Variants in KCNH5 observed in about 807,000 individuals in gnomAD.
KCNH5 encodes potassium voltage-gated channel subfamily H member 5, also known as voltage-gated delayed rectifier potassium channel KCNH5.
A neutral mutation model predicts 96.1 loss-of-function variants in KCNH5; 46 were observed. That is an observed-to-expected ratio of 0.48 (90% CI 0.38 to 0.61). The LOEUF is 0.61. KCNH5 is among the 20% of genes least tolerant of loss of function. The pLI is 0.00. For synonymous variants in KCNH5, 439 were observed against 449.8 expected (o/e 0.98, Z 0.30); for missense variants, 907 against 1,225.8 (o/e 0.74, Z 3.88).
At chr14:63,043,962 C>T (rs925611613) in intron 1 of KCNH5, among the ~76,000 whole-genome samples, 2 of 151,886 alleles carry the variant, frequency 1.3e-5, no homozygotes, top group East Asian at 3.9e-4. Context: ...TTTTTTAATC[C>T]CAAGAAACCA....
chr14:62,916,290 T>G (rs1330357399), intron 7 of KCNH5, among the ~76,000 whole-genome samples: 2 of 152,172 alleles, frequency 1.3e-5, no homozygotes, highest in East Asian at 3.9e-4. Flanking sequence ...ATGTTCACGT[T>G]CTTAACCACA....
At chr14:63,005,528 A>G (rs1246028037) in intron 3 of KCNH5, among the ~76,000 whole-genome samples, 1 of 152,226 alleles carries the variant, frequency 6.6e-6, no homozygotes, top group African/African-American at 2.4e-5. Context: ...ATAATAGTAG[A>G]CTTTGCTATC....
intron 4 of KCNH5, among the ~76,000 whole-genome samples, chr14:62,997,310 G>A (rs1249856999): frequency 6.7e-6 from 1 of 149,634 alleles, no homozygotes; most frequent in Admixed American, 6.6e-5. Context: ...GATGGTTAAT[G>A]GGTATAAGAA....
chr14:62,865,988 C>T (rs952073667), intron 7 of KCNH5, among the ~76,000 whole-genome samples: 3 of 152,136 alleles, frequency 2.0e-5, no homozygotes, highest in South Asian at 4.1e-4. Flanking sequence ...CAATCATCAT[C>T]GTCATCTAAC....
intron 6 of KCNH5, among the ~76,000 whole-genome samples, chr14:62,980,057 TA>T (rs1305592977): frequency 6.6e-6 from 1 of 152,162 alleles, no homozygotes; most frequent in Non-Finnish European, 1.5e-5. Flanking sequence ...CTGGGGGTTT[TA>T]AAAGTGGCAG....
At chr14:62,860,995 AG>A (rs764358699) in intron 7 of KCNH5, among the ~76,000 whole-genome samples, 3 of 152,238 alleles carry the variant, frequency 2.0e-5, no homozygotes, top group East Asian at 3.9e-4. Flanking sequence ...GATGATGCAC[AG>A]TCACTCAGAG....
intron 10 of KCNH5, among the ~76,000 whole-genome samples, chr14:62,750,448 G>C (rs1172872266): frequency 6.6e-6 from 1 of 152,090 alleles, no homozygotes; most frequent in Non-Finnish European, 1.5e-5. Context: ...AGTATATCTA[G>C]GGTCTGTCAT....
chr14:63,032,561 T>G (rs1223118037), intron 1 of KCNH5, among the ~76,000 whole-genome samples: 1 of 152,216 alleles, frequency 6.6e-6, no homozygotes, highest in African/African-American at 2.4e-5. Flanking sequence ...TTTTCAACAA[T>G]GCTTATTGTC....
At chr14:62,758,222 T>G (rs1216308653) in intron 10 of KCNH5, among the ~76,000 whole-genome samples, 2 of 152,086 alleles carry the variant, frequency 1.3e-5, no homozygotes, top group Non-Finnish European at 2.9e-5. Context: ...TAGTCAGTAG[T>G]AATTTAATTG....
At chr14:62,830,161 G>A (rs1887312568) in intron 8 of KCNH5, among the ~76,000 whole-genome samples, 1 of 152,102 alleles carries the variant, frequency 6.6e-6, no homozygotes, top group Non-Finnish European at 1.5e-5. Flanking sequence ...GACCACCTCA[G>A]CCTGGATTTC....
chr14:62,953,301 G>A (rs1890041476), intron 6 of KCNH5, among the ~76,000 whole-genome samples: 1 of 151,982 alleles, frequency 6.6e-6, no homozygotes, highest in Non-Finnish European at 1.5e-5. Flanking sequence ...ACTTTCCAGG[G>A]CTATCCTTCT....
At chr14:62,799,726 T>TATATACACACACAC (rs1213484157) in intron 9 of KCNH5, among the ~76,000 whole-genome samples, 1 of 68,662 alleles carries the variant, frequency 1.5e-5, no homozygotes, top group Non-Finnish European at 2.9e-5. Flanking sequence ...TATATATATA[T>TATATACACACACAC]ACACACACAC....
intron 10 of KCNH5, among the ~76,000 whole-genome samples, chr14:62,721,633 T>C (rs1029968981): frequency 6.6e-6 from 1 of 152,106 alleles, no homozygotes; most frequent in Non-Finnish European, 1.5e-5. Flanking sequence ...TTTTTTTTAA[T>C]ACAATGGATT....
At chr14:62,764,419 C>G (rs1187611266) in intron 10 of KCNH5, among the ~76,000 whole-genome samples, 1 of 152,142 alleles carries the variant, frequency 6.6e-6, no homozygotes, top group Non-Finnish European at 1.5e-5. Flanking sequence ...CAAAGTCATA[C>G]TGACTAGGCA....
In KCNH5 at chr14:62,968,361, T is replaced by C. The variant is rs185512985; in HGVS notation, c.942+12511A>G. 2.9e-3 allele frequency among the ~76,000 whole-genome samples: 449 copies of C among 152,354 alleles called. 4 individuals carry two copies. The highest frequency in any genetic ancestry group is 0.011 in the African/African-American group (437 of 41,586). On this transcript the variant is annotated intron_variant, in intron 6 of 10. Transcript: ENST00000322893. ...ATATCTGTTCAGAGACTGTGTCTTG[T>C]TCATCTTTGTATTTATTTGTATTTA...
chr14:62,717,380 TA>T (rs1330954514), intron 10 of KCNH5, among the ~76,000 whole-genome samples: 2 of 152,166 alleles, frequency 1.3e-5, no homozygotes, highest in Non-Finnish European at 2.9e-5. Context: ...TTAACACTTT[TA>T]AAATTTATAA....
chr14:62,760,636 G>A (rs1008968083), intron 10 of KCNH5, among the ~76,000 whole-genome samples: 1 of 152,202 alleles, frequency 6.6e-6, no homozygotes, highest in African/African-American at 2.4e-5. Context: ...GATGAATCAA[G>A]TACAACCTGA....
At chr14:62,770,982 T>A (rs895443937) in intron 10 of KCNH5, among the ~76,000 whole-genome samples, 2 of 152,182 alleles carry the variant, frequency 1.3e-5, no homozygotes, top group South Asian at 4.1e-4. Flanking sequence ...GAGGTCATAA[T>A]GATGAGGCTC....
At chr14:62,923,579 C>T (rs1173470089) in intron 7 of KCNH5, among the ~76,000 whole-genome samples, 1 of 151,918 alleles carries the variant, frequency 6.6e-6, no homozygotes, top group African/African-American at 2.4e-5. Context: ...TATTACAAAG[C>T]TTCAATAATC....
Sources: allele counts gnomAD v4.1 joint callset (sites outside exome capture counted in the v4.1 genomes callset), GRCh38; gene constraint gnomAD v4.1.1; transcripts MANE v1.5; gene names NCBI Gene and HGNC (gene_info 2026-07-23, HGNC 2026-07-21).